Variants in SLC25A48 observed in about 807,000 individuals in gnomAD.
SLC25A48 encodes the protein CTC-321K16.1.
In SLC25A48, 29 loss-of-function variants were observed where a neutral mutation model predicts 32.2. The ratio of observed to expected loss-of-function variants is 0.90; its 90% CI spans 0.67 to 1.23. The LOEUF (loss-of-function observed/expected upper bound fraction) is 1.23. Among genes scored for constraint, SLC25A48 ranks in the 50% most tolerant of loss-of-function variants. SLC25A48 has a pLI of 0.00. For missense variants in SLC25A48, 399 were observed against 422.7 expected (o/e 0.94, Z 0.49); for synonymous variants, 164 against 172.3 (o/e 0.95, Z 0.38).
chr5:135,658,773 A>G (rs778720302), intron 3 of SLC25A48, among the ~76,000 whole-genome samples: 19 of 152,332 alleles, frequency 1.2e-4, no homozygotes, highest in Admixed American at 3.3e-4. Flanking sequence ...TGCAGGACCA[A>G]TACTCCATAG....
upstream of SLC25A48, among the ~76,000 whole-genome samples, chr5:135,833,264 G>C (rs2126672573): frequency 1.3e-5 from 2 of 152,380 alleles, no homozygotes. Context: ...CTGGGCCTGG[G>C]AGGCCATCCT....
intron 3 of SLC25A48, among the ~76,000 whole-genome samples, chr5:135,683,163 A>G (rs1424790528): frequency 6.6e-6 from 1 of 152,188 alleles, no homozygotes; most frequent in Non-Finnish European, 1.5e-5. Context: ...AACATACATG[A>G]CAGAATGAAA....
At chr5:135,788,447 A>T (rs1283713765) in intron 3 of SLC25A48, among the ~76,000 whole-genome samples, 1 of 141,984 alleles carries the variant, frequency 7.0e-6, no homozygotes, top group East Asian at 2.2e-4. Context: ...CCCTCCCGCC[A>T]TATGGTCCAT....
chr5:135,871,845 C>A, intron 5 of SLC25A48, 127 bp downstream of exon 5: 1 of 1,534,916 alleles, frequency 6.5e-7, no homozygotes. Context: ...CCCAACAATT[C>A]TTTGTTAGGT....
chr5:135,646,678 T>TATATATATATATATATATACACAC (rs966073970), intron 3 of SLC25A48, among the ~76,000 whole-genome samples: 1 of 136,772 alleles, frequency 7.3e-6, no homozygotes, highest in African/African-American at 2.7e-5. Flanking sequence ...TATATATATA[T>TATATATATATATATATATACACAC]ACAATGGGAA....
chr5:135,866,510 C>A (rs4976512), intron 4 of SLC25A48, among the ~76,000 whole-genome samples: 2 of 152,026 alleles, frequency 1.3e-5, no homozygotes, highest in South Asian at 2.1e-4. Flanking sequence ...GTGTCCAGCC[C>A]AGCTCAGCCC....
At position 135,880,290 on chromosome 5, in the gene SLC25A48, G is replaced by T. The variant is rs60518646; in HGVS notation, c.*7+193G>T. 3.1e-3 allele frequency among the ~76,000 whole-genome samples: 476 copies of T among 152,170 alleles called. 3 individuals are homozygous for T. Among genetic ancestry groups the T allele is most frequent in the African/African-American group, 0.011 (458 of 41,530 alleles). ...GAAATGCCCACCAGTGACTGGTGGTGTGCTGGGTCCCCAGGGACCAAGTCT... is the reference window on the plus strand; with the variant it reads ...GAAATGCCCACCAGTGACTGGTGGTTTGCTGGGTCCCCAGGGACCAAGTCT... On this transcript the variant is annotated intron_variant, in intron 7 of 7. Coordinates refer to ENST00000681962, the MANE Select transcript of SLC25A48 (RefSeq NM_001349336.2).
chr5:135,639,590 A>C (rs57409952), intron 3 of SLC25A48, among the ~76,000 whole-genome samples: 5 of 152,150 alleles, frequency 3.3e-5, no homozygotes, highest in African/African-American at 4.8e-5. Context: ...AAAGAGCTCA[A>C]AGATGAATTA....
intron 3 of SLC25A48, among the ~76,000 whole-genome samples, chr5:135,787,460 C>T (rs1340220457): frequency 2.0e-5 from 3 of 151,922 alleles, no homozygotes; most frequent in East Asian, 1.9e-4. Context: ...TGTTATTATT[C>T]GTAATATCTT....
intron 4 of SLC25A48, among the ~76,000 whole-genome samples, chr5:135,860,856 G>A (rs1760721884): frequency 1.3e-5 from 2 of 152,162 alleles, no homozygotes; most frequent in African/African-American, 2.4e-5. Context: ...ACTCACATAC[G>A]GAAGCCAGGT....
intron 3 of SLC25A48, among the ~76,000 whole-genome samples, chr5:135,660,687 G>A (rs1054950643): frequency 2.6e-5 from 4 of 152,160 alleles, no homozygotes; most frequent in Non-Finnish European, 4.4e-5. Flanking sequence ...TGAGAAGATT[G>A]TTAAAGGATT....
At chr5:135,646,382 A>G (rs1752959128) in intron 3 of SLC25A48, among the ~76,000 whole-genome samples, 1 of 152,042 alleles carries the variant, frequency 6.6e-6, no homozygotes, top group Admixed American at 6.5e-5. Context: ...TAGTCCCTCC[A>G]TACCTGAGGT....
intron 2 of SLC25A48, among the ~76,000 whole-genome samples, chr5:135,849,478 C>T (rs1330397992): frequency 6.6e-6 from 1 of 152,186 alleles, no homozygotes; most frequent in Non-Finnish European, 1.5e-5. Context: ...CCTGTCAGCT[C>T]CTGCCCCTGG....
At chr5:135,866,696 A>T (rs999061438) in intron 4 of SLC25A48, among the ~76,000 whole-genome samples, 4 of 152,230 alleles carry the variant, frequency 2.6e-5, no homozygotes, top group African/African-American at 7.2e-5. Flanking sequence ...CTTCACAGAG[A>T]GCTGCAGAGC....
At chr5:135,656,765 T>C (rs703252) in intron 3 of SLC25A48, among the ~76,000 whole-genome samples, 50,990 of 151,880 alleles carry the variant, frequency 0.34, 8,915 homozygotes, top group East Asian at 0.63. Context: ...AAGGCAGAGA[T>C]GGGAGGTATC....
rs531585289 is a variant in SLC25A48, at chr5:135,653,947, G to A, written c.-521+18991G>A. On this transcript the variant is annotated intron_variant, in intron 3 of 10. Coordinates refer to the SLC25A48 transcript ENST00000646290. The stretch of plus-strand genomic sequence containing the variant: ...ATGTTGTTCTCTCTGGGGCTGGGAA[G>A]CTTTGGATGGTGGTGAGGGTAGCGG... The A allele has an allele frequency of 3.5e-4, 161 of 456,174 alleles. 3 individuals carry two copies. The highest frequency in any genetic ancestry group is 2.4e-3 in the South Asian group (155 of 64,550). The allele number at this position is 456,174 out of a possible 1,614,324, so 28.3% of individuals were successfully genotyped here. A position where few individuals can be genotyped will look rare whatever the true frequency, so the allele number is the denominator to read the frequency against.
intron 3 of SLC25A48, among the ~76,000 whole-genome samples, chr5:135,791,050 TG>T (rs1757017269): frequency 6.6e-6 from 1 of 151,026 alleles, no homozygotes; most frequent in Non-Finnish European, 1.5e-5. Context: ...GTTCACCCTG[TG>T]ATACTCTTTG....
At chr5:135,619,122 C>T (rs1338496498) in intron 1 of SLC25A48, among the ~76,000 whole-genome samples, 2 of 151,948 alleles carry the variant, frequency 1.3e-5, no homozygotes, top group Non-Finnish European at 2.9e-5. Flanking sequence ...TCTGGGACAC[C>T]AAAACTATGA....
chr5:135,883,406 G>A lies in SLC25A48; in HGVS notation c.*7+3309G>A, dbSNP rs889562381. On this transcript the variant is annotated intron_variant, in intron 7 of 7. Transcript: ENST00000681962. ...AAACTCACTGTGAATTCATGGAAGA[G>A]CTGGAGTTGGCTCTAAGTTTCAAAA... 6.1e-6 allele frequency: 6 copies of A among 985,440 alleles called. No individual in the cohort carries two copies. In the African/African-American group the frequency reaches 7.0e-5, roughly 11 times the overall value. The allele number at this position is 985,440 out of a possible 1,614,324, so 61.0% of individuals were successfully genotyped here. A position where few individuals can be genotyped will look rare whatever the true frequency, so the allele number is the denominator to read the frequency against.
Sources: gnomAD v4.1 joint callset for allele counts (sites outside exome capture counted in the v4.1 genomes callset) on GRCh38, gnomAD v4.1.1 for gene constraint, MANE v1.5 for transcripts, NCBI Gene and HGNC (gene_info 2026-07-23, HGNC 2026-07-21) for gene names.